Variants in HIRA observed in about 807,000 individuals in gnomAD.
HIRA encodes histone cell cycle regulator, also known as protein HIRA.
Under a neutral mutation model 126.6 loss-of-function variants are expected in HIRA, and 13 were observed. The ratio of observed to expected loss-of-function variants is 0.10; its 90% CI spans 0.07 to 0.16. HIRA has a LOEUF of 0.16. Ranked by LOEUF, HIRA falls within the 10% of genes least tolerant of loss-of-function variation. The pLI is 1.00. For synonymous variants in HIRA, 511 were observed against 520.0 expected (o/e 0.98, Z 0.24); for missense variants, 834 against 1,314.4 (o/e 0.63, Z 5.65).
chr22:19,361,699 G>C, intron 16 of HIRA, 28 bp downstream of exon 16: 2 of 1,606,772 alleles, frequency 1.2e-6, no homozygotes, highest in Non-Finnish European at 1.7e-6. Context: ...GTGGGCTAAA[G>C]AAGGCAGGAT....
intron 1 of HIRA, 95 bp downstream of exon 1, chr22:19,431,345 G>A: frequency 7.2e-7 from 1 of 1,396,622 alleles, no homozygotes; most frequent in Non-Finnish European, 1.0e-6. Flanking sequence ...CGGGCGTCAG[G>A]GGCGAGACAG....
Position 19,353,537 on chromosome 22 carries a change from G to A in HIRA, c.2685-18C>T, listed in dbSNP as rs1556011584. 6 of 1,584,630 alleles carry A rather than the reference G, an allele frequency of 3.8e-6. No individual in the cohort carries two copies. Among genetic ancestry groups the A allele is most frequent in the Non-Finnish European group, 5.1e-6 (6 of 1,166,482 alleles). On this transcript the variant is annotated intron_variant, in intron 22 of 24. Coordinates refer to ENST00000263208, the MANE Select transcript of HIRA (RefSeq NM_003325.4). ...TTCCCGAGCTGCAGAGACCAGGAGA[G>A]TTTCCATGATGGGGCAGCAGGCACT... is the stretch of plus-strand genomic sequence containing the variant.
At chr22:19,406,550 T>C (rs1224453779) in intron 4 of HIRA, among the ~76,000 whole-genome samples, 1 of 152,156 alleles carries the variant, frequency 6.6e-6, no homozygotes, top group Non-Finnish European at 1.5e-5. Flanking sequence ...TTTGCTCTTG[T>C]AGAGCTCATC....
At chr22:19,402,641 T>C (rs919728786) in intron 5 of HIRA, among the ~76,000 whole-genome samples, 12 of 152,244 alleles carry the variant, frequency 7.9e-5, no homozygotes, top group African/African-American at 2.7e-4. Flanking sequence ...CATTTCCTTT[T>C]TGCCTTATTT....
In HIRA at chr22:19,359,375, G is replaced by A. The variant is rs756740115; in HGVS notation, c.2195C>T (p.Thr732Met). ...AGTGAGGATCCGGCTGGTGAGTACC[G>A]TCTCCCACTCCTTCCCTTCCCGGTT... ...KCNREGKEWETVLTSRILTAA... is the reference protein window; with the variant it reads ...KCNREGKEWEMVLTSRILTAA... Residue 732 changes from threonine (T) to methionine (M), a missense_variant, in exon 18 of 25, where the codon ACG becomes ATG. By Grantham distance (81) the Thr-to-Met change is moderately conservative. Coordinates refer to ENST00000263208, the MANE Select transcript of HIRA (RefSeq NM_003325.4). 13 of 1,608,588 alleles carry A rather than the reference G, an allele frequency of 8.1e-6. No homozygotes were observed. Among genetic ancestry groups the A allele is most frequent in the Non-Finnish European group, 1.1e-5 (13 of 1,177,778 alleles).
chr22:19,380,976 G>A (rs565590204), intron 13 of HIRA, among the ~76,000 whole-genome samples: 57 of 152,174 alleles, frequency 3.7e-4, no homozygotes, highest in African/African-American at 1.3e-3. Context: ...AAATTCCTAC[G>A]GTTATTTGTA....
intron 21 of HIRA, among the ~76,000 whole-genome samples, chr22:19,354,913 T>C (rs2088796088): frequency 6.6e-6 from 1 of 152,068 alleles, no homozygotes; most frequent in Admixed American, 6.6e-5. Context: ...ACTACAGATG[T>C]GTGCCACTGC....
chr22:19,405,522 G>A (rs568787467), intron 5 of HIRA: 5 of 984,856 alleles, frequency 5.1e-6, no homozygotes, highest in South Asian at 4.7e-5. Context: ...ACAGCAGAAC[G>A]TGGGAAGTTC....
intron 24 of HIRA, among the ~76,000 whole-genome samples, chr22:19,334,176 CAT>C (rs2088532509): frequency 6.6e-6 from 1 of 151,334 alleles, no homozygotes; most frequent in South Asian, 2.1e-4. Context: ...GGGGTTCCAC[CAT>C]GTTAGCAAGG....
Position 19,344,218 on chromosome 22 carries a change from A to C in HIRA, c.2937+7140T>G, listed in dbSNP as rs1432371467. Among the ~76,000 whole-genome samples the C allele has an allele frequency of 2.0e-5, 3 of 152,196 alleles. No individual in the cohort carries two copies. The East Asian group carries it at 5.8e-4, about 29-fold the overall frequency. On this transcript the variant is annotated intron_variant, in intron 24 of 24. Transcript: ENST00000263208. The stretch of plus-strand genomic sequence containing the variant: ...AAATGGAAAATAATAGAGATAATCA[A>C]TGAAACCAAAAGTTGATTCTTTGAA...
chr22:19,360,706 C>G (rs889842635), intron 17 of HIRA, among the ~76,000 whole-genome samples: 4 of 152,188 alleles, frequency 2.6e-5, no homozygotes, highest in Non-Finnish European at 5.9e-5. Flanking sequence ...GGCCAAGTGA[C>G]CAGGAGGGCT....
chr22:19,394,538 G>A, intron 7 of HIRA, 29 bp from the exon 8 acceptor site: 1 of 1,603,900 alleles, frequency 6.2e-7, no homozygotes, highest in South Asian at 1.1e-5. Context: ...CTTGAAAGGA[G>A]CTCAAGGCCA....
chr22:19,386,764 T>C (rs555204613), intron 11 of HIRA, among the ~76,000 whole-genome samples: 1 of 152,320 alleles, frequency 6.6e-6, no homozygotes, highest in East Asian at 1.9e-4. Flanking sequence ...TGCATAGTGA[T>C]CCCAGGTACC....
chr22:19,427,379 G>T (rs1026713975), intron 1 of HIRA, among the ~76,000 whole-genome samples: 3 of 152,146 alleles, frequency 2.0e-5, no homozygotes, highest in African/African-American at 7.2e-5. Context: ...GTGCCCTCCG[G>T]CAGCAGGCTG....
intron 10 of HIRA, 125 bp from the exon 11 acceptor site, chr22:19,387,941 TCTGTGGCCTGGTTCCCTTC>T: frequency 9.3e-6 from 1 of 107,316 alleles, no homozygotes; most frequent in Non-Finnish European, 2.5e-5. Flanking sequence ...CTGGTTCCCT[TCTGTGGCCTGGTTCCCTTC>T]TTTGGCCTGG....
intron 1 of HIRA, among the ~76,000 whole-genome samples, chr22:19,419,204 C>T (rs1467419554): frequency 1.3e-5 from 2 of 152,184 alleles, no homozygotes; most frequent in East Asian, 1.9e-4. Flanking sequence ...TTCTCTATAA[C>T]GGTCTGATCT....
chr22:19,408,909 G>C (rs1282821874), intron 2 of HIRA, among the ~76,000 whole-genome samples: 2 of 152,136 alleles, frequency 1.3e-5, no homozygotes, highest in African/African-American at 4.8e-5. Context: ...GTCCCTAAAA[G>C]GTCTTCATCC....
At chr22:19,417,116 C>T (rs1052525861) in intron 1 of HIRA, among the ~76,000 whole-genome samples, 1 of 152,082 alleles carries the variant, frequency 6.6e-6, no homozygotes, top group Non-Finnish European at 1.5e-5. Context: ...AGGAGAATCA[C>T]TTGAACCCAG....
intron 24 of HIRA, among the ~76,000 whole-genome samples, chr22:19,332,866 T>C (rs1556004944): frequency 6.6e-6 from 1 of 151,584 alleles, no homozygotes; most frequent in Non-Finnish European, 1.5e-5. Context: ...ATAAATAAAA[T>C]AGAAAACAAA....
Sources: gnomAD v4.1 joint callset for allele counts (sites outside exome capture counted in the v4.1 genomes callset) on GRCh38, gnomAD v4.1.1 for gene constraint, MANE v1.5 for transcripts, NCBI Gene and HGNC (gene_info 2026-07-23, HGNC 2026-07-21) for gene names.